Variants in ITPR2 observed in about 807,000 individuals in gnomAD.
The protein encoded by ITPR2 is inositol 1,4,5-trisphosphate receptor type 2, also known as inositol 1,4,5-trisphosphate-gated calcium channel ITPR2.
ITPR2 carries 207 observed loss-of-function variants against 317.1 expected under a neutral mutation model. That is an observed-to-expected ratio of 0.65 (90% CI 0.58 to 0.73). The LOEUF (loss-of-function observed/expected upper bound fraction) is 0.73, where lower values mean the gene tolerates loss of function less well. Ranked by LOEUF, ITPR2 falls within the 30% of genes least tolerant of loss-of-function variation. The pLI is 0.00. For synonymous variants in ITPR2, 1,156 were observed against 1,149.1 expected (o/e 1.01, Z -0.12); for missense variants, 2,613 against 3,284.0 (o/e 0.80, Z 4.99).
At chr12:26,578,575 T>C (rs1945326627) in intron 34 of ITPR2, 138 bp downstream of exon 34, 3 of 640,736 alleles carry the variant, frequency 4.7e-6, no homozygotes, top group Non-Finnish European at 7.7e-6. Flanking sequence ...CATTTGCTGA[T>C]GGCTGCTCTT....
chr12:26,480,207 T>C (rs961006505), intron 43 of ITPR2, among the ~76,000 whole-genome samples: 5 of 152,232 alleles, frequency 3.3e-5, no homozygotes, highest in African/African-American at 7.2e-5. Context: ...CTCATCTCAA[T>C]TGAATATCAT....
intron 55 of ITPR2, among the ~76,000 whole-genome samples, chr12:26,376,144 A>G (rs1349922899): frequency 6.6e-6 from 1 of 152,220 alleles, no homozygotes; most frequent in African/African-American, 2.4e-5. Context: ...TAGATTGTCC[A>G]TTTTAGATTT....
chr12:26,481,649 C>T (rs1942547256), intron 42 of ITPR2, among the ~76,000 whole-genome samples: 1 of 152,090 alleles, frequency 6.6e-6, no homozygotes, highest in Non-Finnish European at 1.5e-5. Flanking sequence ...GACATGTGTC[C>T]CTCATACCTG....
intron 55 of ITPR2, among the ~76,000 whole-genome samples, chr12:26,344,195 A>G (rs111652906): frequency 0.014 from 2,061 of 152,302 alleles, 25 homozygotes; most frequent in Non-Finnish European, 0.019. Context: ...TCTGTTCATT[A>G]TAAACCACCC....
intron 13 of ITPR2, among the ~76,000 whole-genome samples, chr12:26,674,786 C>T (rs1947870570): frequency 6.6e-6 from 1 of 152,082 alleles, no homozygotes; most frequent in Non-Finnish European, 1.5e-5. Flanking sequence ...AAAATTTTCG[C>T]AACCTACTCA....
chr12:26,403,516 G>A (rs1398525473), intron 52 of ITPR2, among the ~76,000 whole-genome samples: 3 of 152,148 alleles, frequency 2.0e-5, no homozygotes, highest in Non-Finnish European at 4.4e-5. Flanking sequence ...TACTCAGGAG[G>A]CTGAAGGGGG....
chr12:26,830,904 C>T (rs1951090655), intron 1 of ITPR2, among the ~76,000 whole-genome samples: 1 of 152,164 alleles, frequency 6.6e-6, no homozygotes, highest in African/African-American at 2.4e-5. Context: ...TCACCACAAC[C>T]CTATGAGGTA....
intron 34 of ITPR2, among the ~76,000 whole-genome samples, chr12:26,565,483 A>ATGAT: frequency 7.7e-6 from 1 of 130,068 alleles, no homozygotes; most frequent in African/African-American, 2.9e-5. Context: ...AGATAGACAG[A>ATGAT]TGATAGATAG....
chr12:26,412,911 A>T (rs1310601803), intron 51 of ITPR2, among the ~76,000 whole-genome samples: 3 of 152,176 alleles, frequency 2.0e-5, no homozygotes, highest in Non-Finnish European at 2.9e-5. Flanking sequence ...CCAATGAGAG[A>T]CAGTGAGAGC....
At chr12:26,771,608 G>C (rs897253656) in intron 2 of ITPR2, among the ~76,000 whole-genome samples, 1 of 152,122 alleles carries the variant, frequency 6.6e-6, no homozygotes, top group East Asian at 1.9e-4. Context: ...TCTGCCTCCC[G>C]GGTTCACACC....
chr12:26,481,886 A>T (rs1228220794), intron 42 of ITPR2, among the ~76,000 whole-genome samples: 1 of 152,198 alleles, frequency 6.6e-6, no homozygotes, highest in Non-Finnish European at 1.5e-5. Flanking sequence ...GGGAAAATTT[A>T]TGAAACATCC....
intron 45 of ITPR2, among the ~76,000 whole-genome samples, chr12:26,459,858 G>C (rs78531364): frequency 0.041 from 6,310 of 152,212 alleles, 200 homozygotes; most frequent in South Asian, 0.11. Context: ...ACTGCCTGTT[G>C]TACACCTCCA....
intron 13 of ITPR2, among the ~76,000 whole-genome samples, chr12:26,671,558 A>T (rs887032547): frequency 6.6e-6 from 1 of 152,202 alleles, no homozygotes; most frequent in Non-Finnish European, 1.5e-5. Flanking sequence ...AGCACTAAAC[A>T]TGGAAAGGAA....
rs750699267 is a variant in ITPR2 at position 26,734,887 on chromosome 12, CT to C, written c.164-9123del. ...TTTATACTCCAATAAGACTAGCTTT[CT>C]TTTGATTATTATTACTACCAAAAAG... On this transcript the variant is annotated intron_variant, in intron 2 of 56. Transcript: ENST00000381340. Among the ~76,000 whole-genome samples the C allele has an allele frequency of 7.9e-5, 12 of 151,270 alleles. No homozygotes were observed. In the East Asian group the frequency reaches 1.2e-3, roughly 15 times the overall value.
intron 36 of ITPR2, among the ~76,000 whole-genome samples, chr12:26,551,513 C>T (rs1173550009): frequency 6.6e-6 from 1 of 152,234 alleles, no homozygotes; most frequent in Non-Finnish European, 1.5e-5. Context: ...TCTCCTGAGT[C>T]TCAGGGGTCT....
rs1565597095 is a variant in ITPR2 at position 26,550,344 on chromosome 12, T to C, written c.4976A>G (p.His1659Arg). ...CGAFMSKLINHTKKLMEKEEK... is the reference protein window; with the variant it reads ...CGAFMSKLINRTKKLMEKEEK... ...TTCTTTCTCCATTAGTTTCTTTGTA[T>C]GATTAATCAACCTTAAAGCAAAACA... Residue 1659 changes from histidine (H) to arginine (R), a missense_variant, in exon 37 of 57, where the codon CAT becomes CGT. His to Arg is a conservative substitution (Grantham distance 29, BLOSUM62 0). Around this residue, in one of 9 missense-constraint regions of ITPR2, gnomAD observed 926 missense variants for 1,072.8 expected, o/e 0.86. Coordinates refer to ENST00000381340, the MANE Select transcript of ITPR2 (RefSeq NM_002223.4). 7.2e-7 allele frequency: 1 copy of C among 1,386,362 alleles called. No individual in the cohort carries two copies. Among genetic ancestry groups the C allele is most frequent in the South Asian group, 1.2e-5 (1 of 83,086 alleles). 85.9% of individuals were successfully genotyped at this position (1,386,362 alleles called of 1,614,324 possible). A position where few individuals can be genotyped will look rare whatever the true frequency, so the allele number is the denominator to read the frequency against.
At chr12:26,735,235 C>T (rs1949099773) in intron 2 of ITPR2, among the ~76,000 whole-genome samples, 1 of 152,168 alleles carries the variant, frequency 6.6e-6, no homozygotes, top group Non-Finnish European at 1.5e-5. Context: ...CTCCTGACCT[C>T]AGGTTATCTG....
intron 45 of ITPR2, among the ~76,000 whole-genome samples, chr12:26,451,313 G>C (rs73083292): frequency 1.3e-5 from 2 of 149,246 alleles, no homozygotes; most frequent in Admixed American, 1.3e-4. Context: ...CCAGACCAAA[G>C]GACCACAGAC....
chr12:26,770,683 T>C (rs556048362), intron 2 of ITPR2, among the ~76,000 whole-genome samples: 1 of 152,236 alleles, frequency 6.6e-6, no homozygotes, highest in Non-Finnish European at 1.5e-5. Flanking sequence ...ATCCATTCTT[T>C]TCTTCCTTTA....
Sources: gnomAD v4.1 joint callset for allele counts (sites outside exome capture counted in the v4.1 genomes callset) on GRCh38, gnomAD v4.1.1 for gene constraint, gnomAD v4.1.1 regional missense constraint, MANE v1.5 for transcripts, NCBI Gene and HGNC (gene_info 2026-07-23, HGNC 2026-07-21) for gene names.